The following CGN variants were observed in gnomAD, a reference collection of about 807,000 sequenced individuals.
The protein encoded by CGN is cingulin.
A neutral mutation model predicts 157.1 loss-of-function variants in CGN; 121 were observed. The observed-to-expected ratio is 0.77, with a 90% confidence interval of 0.66 to 0.90. The LOEUF (loss-of-function observed/expected upper bound fraction) is 0.90, where lower values mean the gene tolerates loss of function less well. Among genes scored for constraint, CGN ranks in the 40% least tolerant of loss-of-function variants. The pLI is 0.00. For missense variants in CGN, 1,424 were observed against 1,520.9 expected, an observed-to-expected ratio of 0.94 and a Z score of 1.06; for synonymous variants, 535 against 607.5, an observed-to-expected ratio of 0.88 and a Z score of 1.76.
intron 1 of CGN, among the ~76,000 whole-genome samples, chr1:151,512,347 T>C (rs978551457): frequency 1.3e-5 from 2 of 152,196 alleles, no homozygotes; most frequent in Non-Finnish European, 2.9e-5. Context: ...ACATATTTTT[T>C]CTGTGGTTCT....
At position 151,515,064 on chromosome 1, in the gene CGN, C is replaced by T. The variant is rs370918752; in HGVS notation, c.-14-3442C>T. On this transcript the variant is annotated intron_variant, in intron 1 of 20. Coordinates refer to ENST00000271636, the MANE Select transcript of CGN (RefSeq NM_020770.3). ...AGTCCTGCTCTGTGACCCAGGCTGG[C>T]GGATCTCGGCTCACTGCAGCCTGTG... Among the ~76,000 whole-genome samples the T allele has an allele frequency of 3.3e-4, 49 of 150,462 alleles. No individual in the cohort carries two copies. The East Asian group carries it at 8.7e-3, about 27-fold the overall frequency.
chr1:151,516,492 G>A (rs1048578884), intron 1 of CGN, among the ~76,000 whole-genome samples: 12 of 151,682 alleles, frequency 7.9e-5, no homozygotes, highest in Non-Finnish European at 1.6e-4. Context: ...TGTTGGCTCT[G>A]GCTCTCAGCT....
rs79966284 is a variant in CGN, at chr1:151,537,181, C to T, written c.3471-24C>T. 1,613 of 1,603,374 alleles carry T rather than the reference C, an allele frequency of 1.0e-3. 14 individuals carry two copies. In the African/African-American group the frequency reaches 0.02, roughly 20 times the overall value. On this transcript the variant is annotated intron_variant, in intron 20 of 20. Coordinates refer to ENST00000271636, the MANE Select transcript of CGN (RefSeq NM_020770.3). ...AATATTTCTATTTTCCCCTCCCCAA[C>T]CATTATTCTTCTCTCTGAGTCAGGC...
Position 151,519,247 on chromosome 1 carries a change from AC to A in CGN, c.730del (p.His244MetfsTer14). The A allele has an allele frequency of 6.2e-7, 1 of 1,613,994 alleles. No individual in the cohort carries two copies. The highest frequency in any genetic ancestry group is 8.5e-7 in the Non-Finnish European group (1 of 1,179,994). On this transcript the variant is annotated frameshift_variant, in exon 2 of 21. Transcript: ENST00000271636. LOFTEE classifies it high-confidence loss of function. Reference protein sequence around the residue: ...NHWTSSTKYDNHVGTSKQPAQ... With the variant: ...NHWTSSTKYDXHVGTSKQPAQ... ...TGGACCTCTAGCACAAAATATGACA[AC>A]CATGTGGGCACTTCGAAGCAGCCAG...
At chr1:151,522,839 G>A (rs1208206529) in intron 5 of CGN, among the ~76,000 whole-genome samples, 24 of 151,842 alleles carry the variant, frequency 1.6e-4, no homozygotes, top group South Asian at 2.1e-4. Context: ...GCTTGAACCC[G>A]GGAGGTGGAG....
rs1296071510 is a variant in CGN at position 151,538,315 on chromosome 1, A to G, written c.*969A>G. ...CCTTCCTTGGGGCTTCTCTGACCACATGTGCCCAACTTCAATAAGAGAACC... is the reference window on the plus strand; with the variant it reads ...CCTTCCTTGGGGCTTCTCTGACCACGTGTGCCCAACTTCAATAAGAGAACC... On this transcript the variant is annotated 3_prime_UTR_variant, in exon 21 of 21. Transcript: ENST00000271636. 6.6e-6 allele frequency: 1 copy of G among 152,210 alleles called. No individual in the cohort carries two copies. The highest frequency in any genetic ancestry group is 6.5e-5 in the Admixed American group (1 of 15,280). The allele number at this position is 152,210 out of a possible 1,614,324, so 9.4% of individuals were successfully genotyped here.
At chr1:151,523,330 C>A in intron 5 of CGN, 104 bp from the exon 6 acceptor site, 3 of 1,096,170 alleles carry the variant, frequency 2.7e-6, no homozygotes, top group Non-Finnish European at 3.9e-6. Flanking sequence ...TAGTGTCTAT[C>A]ATACAGCAAG....
intron 4 of CGN, 32 bp from the exon 5 acceptor site, chr1:151,520,564 C>G (rs751882541): frequency 6.2e-7 from 1 of 1,612,860 alleles, no homozygotes; most frequent in Non-Finnish European, 8.5e-7. Context: ...TGGACTCACT[C>G]CCTTCCCCCA....
chr1:151,524,961 TG>T lies in CGN; in HGVS notation c.1614+77del. 7.7e-7 allele frequency: 1 copy of T among 1,298,064 alleles called. No individual in the cohort carries two copies. The highest frequency in any genetic ancestry group is 2.2e-5 in the Admixed American group (1 of 45,814). The allele number at this position is 1,298,064 out of a possible 1,614,324, so 80.4% of individuals were successfully genotyped here. On this transcript the variant is annotated intron_variant, in intron 8 of 20. Coordinates refer to ENST00000271636, the MANE Select transcript of CGN (RefSeq NM_020770.3). The surrounding 1 kb of genome is among the most constrained non-coding windows in gnomAD (Gnocchi z 4.4). Reference sequence around the variant, plus strand: ...AGGCTGCCTTGGGATCTTGGACTTTTGGACTTTTCATGGTTGCAACTGGGAA... The same window carrying T: ...AGGCTGCCTTGGGATCTTGGACTTTTGACTTTTCATGGTTGCAACTGGGAA...
Position 151,524,281 on chromosome 1 carries a change from G to A in CGN, c.1324G>A (p.Glu442Lys). Residue 442 changes from glutamate to lysine, a missense_variant, in exon 7 of 21, where the codon GAG becomes AAG. Physicochemically the swap from Glu to Lys is moderately conservative, Grantham distance 56. Transcript: ENST00000271636. The surrounding 1 kb of genome is among the most constrained non-coding windows in gnomAD (Gnocchi z 4.4). Reference sequence around the variant, plus strand: ...GGGTGAAGATTTACGACATGGGCTGGAGACCCAGGTGATGGAGCTGCAGAA... The same window carrying A: ...GGGTGAAGATTTACGACATGGGCTGAAGACCCAGGTGATGGAGCTGCAGAA... Reference protein sequence around the residue: ...DQGEDLRHGLETQVMELQNKL... With the variant: ...DQGEDLRHGLKTQVMELQNKL... 1.2e-6 allele frequency: 2 copies of A among 1,614,210 alleles called. No individual in the cohort carries two copies. Among genetic ancestry groups the A allele is most frequent in the Non-Finnish European group, 1.7e-6 (2 of 1,180,028 alleles).
chr1:151,515,221 T>C (rs1664382820), intron 1 of CGN, among the ~76,000 whole-genome samples: 1 of 152,180 alleles, frequency 6.6e-6, no homozygotes, highest in South Asian at 2.1e-4. Flanking sequence ...CGGGCTGTTA[T>C]TGAACTTCTG....
intron 1 of CGN, among the ~76,000 whole-genome samples, chr1:151,517,855 T>C (rs1664447229): frequency 6.9e-6 from 1 of 145,432 alleles, no homozygotes; most frequent in Non-Finnish European, 1.5e-5. Flanking sequence ...AGTAAAATCT[T>C]TTTTTTTTTT....
intron 10 of CGN, chr1:151,527,950 A>ATT (rs374689451): frequency 0.014 from 1,133 of 81,310 alleles, 18 homozygotes; most frequent in Non-Finnish European, 0.018. Flanking sequence ...ATATATATAT[A>ATT]TTTTTTTTTT....
chr1:151,523,640 G>T, intron 6 of CGN, 79 bp downstream of exon 6: 1 of 1,383,446 alleles, frequency 7.2e-7, no homozygotes, highest in East Asian at 2.5e-5. Context: ...TTTGCCCCTA[G>T]GGTTGAAGGA....
Position 151,535,773 on chromosome 1 carries a change from C to T in CGN, c.3079-7C>T, listed in dbSNP as rs751982899. Reference sequence around the variant, plus strand: ...TGCTAACTGTGGAGGCTTCCTGTCCCTCTCAGAACAAGGACCTGAAGACCC... The same window carrying T: ...TGCTAACTGTGGAGGCTTCCTGTCCTTCTCAGAACAAGGACCTGAAGACCC... On this transcript the variant is annotated splice_polypyrimidine_tract_variant and splice_region_variant and intron_variant, in intron 17 of 20. Transcript: ENST00000271636. The T allele has an allele frequency of 6.2e-6, 10 of 1,613,282 alleles. No individual in the cohort carries two copies. Among genetic ancestry groups the T allele is most frequent in the Non-Finnish European group, 8.5e-6 (10 of 1,179,316 alleles).
At position 151,532,433 on chromosome 1, in the gene CGN, C is replaced by T; in HGVS notation, c.2603C>T (p.Ala868Val). ...LEKIGEDSKQ[A>V]LQQLQAQLED... ...AAGATCGGGGAGGACTCTAAGCAAG[C>T]CCTGCAGCAGCTCCAGGCCCAGCTG... Residue 868 changes from alanine to valine, a missense_variant, in exon 14 of 21, where the codon GCC becomes GTC. Around this residue, in one of 3 missense-constraint regions of CGN, gnomAD observed 1,187 missense variants for 1,217.6 expected, o/e 0.97. Coordinates refer to ENST00000271636, the MANE Select transcript of CGN (RefSeq NM_020770.3). The T allele has an allele frequency of 6.9e-6, 11 of 1,592,298 alleles. No homozygotes were observed. Among genetic ancestry groups the T allele is most frequent in the South Asian group, 1.1e-5 (1 of 87,682 alleles).
rs150561407 is a variant in CGN, at chr1:151,527,126, G to A, written c.1896+19G>A. ...CAAGAAGGTATTTGGGAATTGGGGG[G>A]CAGAATGGTAGGTAGGGGTGATGAA... is the stretch of plus-strand genomic sequence containing the variant. On this transcript the variant is annotated intron_variant, in intron 10 of 20. Coordinates refer to ENST00000271636, the MANE Select transcript of CGN (RefSeq NM_020770.3). 1.9e-5 allele frequency: 31 copies of A among 1,613,802 alleles called. 2 individuals carry two copies. In the Middle Eastern group the frequency reaches 6.8e-4, roughly 35 times the overall value.
chr1:151,527,174 G>A lies in CGN; in HGVS notation c.1896+67G>A. 12 of 1,577,794 alleles carry A rather than the reference G, an allele frequency of 7.6e-6. 1 individual carries two copies. Among genetic ancestry groups the A allele is most frequent in the South Asian group, 5.6e-5 (5 of 89,844 alleles). On this transcript the variant is annotated intron_variant, in intron 10 of 20. Coordinates refer to ENST00000271636, the MANE Select transcript of CGN (RefSeq NM_020770.3). ...GAACACCTGCCTTACCTCTCCATGAGGGCCTTCTTGCTAGTGGGGCTATCT... is the reference window on the plus strand; with the variant it reads ...GAACACCTGCCTTACCTCTCCATGAAGGCCTTCTTGCTAGTGGGGCTATCT...
chr1:151,516,505 G>A (rs1286316871), intron 1 of CGN, among the ~76,000 whole-genome samples: 2 of 151,118 alleles, frequency 1.3e-5, no homozygotes, highest in Non-Finnish European at 2.9e-5. Flanking sequence ...TCTCAGCTGA[G>A]ACAAGTTTAC....
Sources: gnomAD v4.1 joint callset for allele counts (sites outside exome capture counted in the v4.1 genomes callset) on GRCh38, gnomAD v4.1.1 for gene constraint, gnomAD v4.1.1 regional missense constraint, Gnocchi (gnomAD v3.1) non-coding constraint, MANE v1.5 for transcripts, NCBI Gene and HGNC (gene_info 2026-07-23, HGNC 2026-07-21) for gene names.